Variants in DOCK8 observed in about 807,000 individuals in gnomAD.
DOCK8 encodes dedicator of cytokinesis 8.
A neutral mutation model predicts 245.6 loss-of-function variants in DOCK8; 141 were observed. That is an observed-to-expected ratio of 0.57 (90% confidence interval 0.50 to 0.66). The LOEUF (loss-of-function observed/expected upper bound fraction) is 0.66, where lower values mean the gene tolerates loss of function less well. Ranked by LOEUF, DOCK8 falls within the 30% of genes least tolerant of loss-of-function variation. The pLI, the probability that DOCK8 is intolerant of heterozygous loss-of-function variation, is 0.00. For synonymous variants in DOCK8, 1,168 were observed against 970.2 expected (o/e 1.20, Z -3.79); for missense variants, 2,965 against 2,603.4 (o/e 1.14, Z -3.02).
At chr9:459,715 C>T (rs943301945) in intron 46 of DOCK8, 1 of 152,210 alleles carries the variant, frequency 6.6e-6, no homozygotes, top group African/African-American at 2.4e-5. Flanking sequence ...ACTTGAATTA[C>T]CTGAATGCTT....
rs764496464 is a variant in DOCK8 at position 443,411 on chromosome 9, G to C, written c.5491-16G>C. On this transcript the variant is annotated splice_polypyrimidine_tract_variant and intron_variant, in intron 42 of 47. Coordinates refer to ENST00000432829, the MANE Select transcript of DOCK8 (RefSeq NM_203447.4). ...GTTAAAATAACCTTTATAAACTGTT[G>C]GTTCTTCTTACCTAGGCATTTTATG... The C allele has an allele frequency of 5.6e-6, 9 of 1,609,764 alleles. No individual in the cohort carries two copies. Among genetic ancestry groups the C allele is most frequent in the African/African-American group, 5.3e-5 (4 of 74,780 alleles).
Position 398,081 on chromosome 9 carries a change from C to T in DOCK8, c.3121-1065C>T, listed in dbSNP as rs145958908. Among the ~76,000 whole-genome samples the T allele has an allele frequency of 1.7e-3, 253 of 152,262 alleles. 6 individuals are homozygous for T. In the East Asian group the frequency reaches 0.044, roughly 26 times the overall value. On this transcript the variant is annotated intron_variant, in intron 25 of 47. Transcript: ENST00000432829. ...ACCAAGTGCTCAGGAGATTTTCATT[C>T]GGTTATTCCTCATGGCAAACTTTGT...
intron 43 of DOCK8, 47 bp from the exon 44 acceptor site, chr9:446,323 G>A (rs754793364): frequency 1.8e-5 from 28 of 1,533,458 alleles, no homozygotes; most frequent in African/African-American, 5.5e-5. Flanking sequence ...AGGGATGGCC[G>A]TTTGCAGAAT....
At chr9:274,074 A>G (rs1200466308) in intron 2 of DOCK8, among the ~76,000 whole-genome samples, 2 of 152,216 alleles carry the variant, frequency 1.3e-5, no homozygotes, top group Non-Finnish European at 2.9e-5. Flanking sequence ...GTAAAGTTAC[A>G]AAGGAAAATA....
intron 6 of DOCK8, among the ~76,000 whole-genome samples, chr9:314,100 C>T (rs1045980006): frequency 2.0e-5 from 3 of 152,168 alleles, no homozygotes; most frequent in African/African-American, 7.2e-5. Context: ...GTTCGTGTTC[C>T]CTTGTTTATG....
At chr9:340,542 A>C in intron 14 of DOCK8, 1 of 516,796 alleles carries the variant, frequency 1.9e-6, no homozygotes, top group Non-Finnish European at 3.5e-6. Context: ...AATCGCTTGA[A>C]CCCAGGAGGC....
chr9:400,076 TCACCACCACCTCCACCATCACCAC>T (rs2054728294), intron 26 of DOCK8, among the ~76,000 whole-genome samples: 1 of 21,568 alleles, frequency 4.6e-5, no homozygotes, highest in Admixed American at 4.7e-4. Context: ...ACCATCACCA[TCACCACCACCTCCACCATCACCAC>T]CACCACCTCC....
intron 10 of DOCK8, among the ~76,000 whole-genome samples, chr9:333,490 T>G (rs527294135): frequency 1.4e-4 from 21 of 152,006 alleles, no homozygotes; most frequent in African/African-American, 5.1e-4. Context: ...ATTCCCAGCT[T>G]CTCAGGAGGC....
At chr9:282,411 T>TCG (rs1460218821) in intron 2 of DOCK8, among the ~76,000 whole-genome samples, 23 of 139,810 alleles carry the variant, frequency 1.6e-4, no homozygotes, top group African/African-American at 6.1e-4. Context: ...TTGTTTCGTT[T>TCG]TGTTTTTTTT....
intron 1 of DOCK8, among the ~76,000 whole-genome samples, chr9:261,100 A>AG (rs2047907431): frequency 6.6e-6 from 1 of 152,082 alleles, no homozygotes; most frequent in East Asian, 1.9e-4. Flanking sequence ...AAAAAAAAAA[A>AG]AAGAAATTAT....
rs1284235950 is a variant in DOCK8 at position 421,651 on chromosome 9, T to A, written c.4154-397T>A. 2.6e-5 allele frequency among the ~76,000 whole-genome samples: 4 copies of A among 152,204 alleles called. No homozygotes were observed. In the South Asian group the frequency reaches 8.3e-4, roughly 32 times the overall value. ...TCACCATGCTCAAAGTAAAACAGAG[T>A]GACAGCTTATTGTATTCGAAGGGAC... On this transcript the variant is annotated intron_variant, in intron 32 of 47. Transcript: ENST00000432829.
In DOCK8 at chr9:400,866, CCAT is replaced by C. The variant is rs1457928038; in HGVS notation, c.3234+1610_3234+1612del. Reference sequence around the variant, plus strand: ...ACCTCCACCATCACCACCTCCTCCACCATCACCACCACCTCCACCACCACCACC... The same window carrying C: ...ACCTCCACCATCACCACCTCCTCCACCACCACCACCTCCACCACCACCACC... On this transcript the variant is annotated intron_variant, in intron 26 of 47. Coordinates refer to ENST00000432829, the MANE Select transcript of DOCK8 (RefSeq NM_203447.4). 4.9e-5 allele frequency among the ~76,000 whole-genome samples: 5 copies of C among 101,698 alleles called. 1 individual carries two copies. Among genetic ancestry groups the C allele is most frequent in the East Asian group, 3.1e-4 (1 of 3,220 alleles). The allele number at this position is 101,698 out of a possible 152,430, so 66.7% of individuals were successfully genotyped here. A position where few individuals can be genotyped will look rare whatever the true frequency, so the allele number is the denominator to read the frequency against.
intron 33 of DOCK8, among the ~76,000 whole-genome samples, chr9:423,919 C>T (rs2056381244): frequency 6.6e-6 from 1 of 152,118 alleles, no homozygotes; most frequent in South Asian, 2.1e-4. Context: ...TTCCCTTTTG[C>T]TTGCAGGAGC....
At chr9:413,876 T>C (rs1025120621) in intron 28 of DOCK8, among the ~76,000 whole-genome samples, 9 of 152,242 alleles carry the variant, frequency 5.9e-5, no homozygotes, top group African/African-American at 2.2e-4. Context: ...GCTCGGCGGC[T>C]CACGCCTATA....
intron 36 of DOCK8, 21 bp from the exon 37 acceptor site, chr9:432,140 CTTTTT>C (rs34439675): frequency 9.5e-6 from 14 of 1,470,278 alleles, no homozygotes; most frequent in Admixed American, 3.6e-5. Flanking sequence ...TTTACTTCAT[CTTTTT>C]TTTTTTTTTC....
chr9:330,844 C>G (rs1410978013), intron 9 of DOCK8, among the ~76,000 whole-genome samples: 1 of 152,202 alleles, frequency 6.6e-6, no homozygotes, highest in African/African-American at 2.4e-5. Context: ...ACAATAGGTT[C>G]TCATGTCGGT....
intron 43 of DOCK8, among the ~76,000 whole-genome samples, chr9:445,996 C>T (rs1418965280): frequency 6.6e-6 from 1 of 152,230 alleles, no homozygotes; most frequent in East Asian, 1.9e-4. Context: ...TTAGTTCGGC[C>T]ATTCATGCTT....
In DOCK8 at chr9:386,355, ATG is replaced by A; in HGVS notation, c.2805_2806del (p.Met935IlefsTer8). ...GATCGCCGATCGCAACTGCAGCCGA[ATG>A]TCTTACTATTGCTCTGGCAGTAGTG... The part of the protein sequence containing the change: ...SKIADRNCSR[M>X]SYYCSGSSDA... On this transcript the variant is annotated frameshift_variant, in exon 23 of 48. Transcript: ENST00000432829. LOFTEE classifies it high-confidence loss of function. 6.2e-7 allele frequency: 1 copy of A among 1,613,942 alleles called. No individual in the cohort carries two copies.
intron 3 of DOCK8, among the ~76,000 whole-genome samples, chr9:287,890 G>A (rs1002610019): frequency 2.0e-5 from 3 of 152,034 alleles, no homozygotes; most frequent in Admixed American, 6.6e-5. Flanking sequence ...AATGCTTACA[G>A]TAGCCAGTCA....
Sources: gnomAD v4.1 joint callset for allele counts (sites outside exome capture counted in the v4.1 genomes callset) on GRCh38, gnomAD v4.1.1 for gene constraint, MANE v1.5 for transcripts, NCBI Gene and HGNC (gene_info 2026-07-23, HGNC 2026-07-21) for gene names.